MINDY4: variants seen among roughly 807,000 people sequenced by gnomAD.
MINDY4 encodes the protein MINDY lysine 48 deubiquitinase 4.
A neutral mutation model predicts 87.0 loss-of-function variants in MINDY4; 68 were observed. The ratio of observed to expected loss-of-function variants is 0.78; its 90% CI spans 0.64 to 0.96. MINDY4 has a LOEUF of 0.96. Ranked by LOEUF, MINDY4 falls within the 40% of genes least tolerant of loss-of-function variation. The pLI is 0.00. For missense variants in MINDY4, 919 were observed against 928.2 expected (o/e 0.99, Z 0.13); for synonymous variants, 379 against 363.2 (o/e 1.04, Z -0.50).
At chr7:30,866,524 A>G (rs1260831794) in intron 13 of MINDY4, among the ~76,000 whole-genome samples, 4 of 152,140 alleles carry the variant, frequency 2.6e-5, no homozygotes, top group Non-Finnish European at 5.9e-5. Context: ...CTAGCCCTCA[A>G]AGTCCTTGCC....
At chr7:30,817,686 C>T (rs1484257571) in intron 5 of MINDY4, among the ~76,000 whole-genome samples, 2 of 152,124 alleles carry the variant, frequency 1.3e-5, no homozygotes, top group Non-Finnish European at 2.9e-5. Context: ...TCTTATAGCC[C>T]CTCAAAGACA....
At chr7:30,832,300 A>G (rs191268021) in intron 6 of MINDY4, among the ~76,000 whole-genome samples, 4 of 152,336 alleles carry the variant, frequency 2.6e-5, no homozygotes, top group Admixed American at 2.6e-4. Context: ...TTGTGCCTCC[A>G]GGAAACAATC....
At chr7:30,859,355 G>C (rs1255404026) in intron 13 of MINDY4, 31 bp downstream of exon 13, 1 of 1,606,356 alleles carries the variant, frequency 6.2e-7, no homozygotes, top group East Asian at 2.2e-5. Flanking sequence ...ACTCCCTGGG[G>C]CTGGGCTGGT....
chr7:30,790,587 T>C (rs1017484402), intron 4 of MINDY4, among the ~76,000 whole-genome samples: 1 of 151,956 alleles, frequency 6.6e-6, no homozygotes, highest in Non-Finnish European at 1.5e-5. Context: ...GAGATTACAG[T>C]CATGCACCAC....
chr7:30,870,869 A>AG (rs1790081817), intron 13 of MINDY4, among the ~76,000 whole-genome samples: 4 of 152,208 alleles, frequency 2.6e-5, no homozygotes, highest in Non-Finnish European at 4.4e-5. Flanking sequence ...GGTTGAAGGA[A>AG]GGGGGCCAGG....
Position 30,821,825 on chromosome 7 carries a change from C to T in MINDY4, c.1074-6854C>T, listed in dbSNP as rs147914019. Among the ~76,000 whole-genome samples, 462 of 152,264 alleles carry T rather than the reference C, an allele frequency of 3.0e-3. 1 individual carries two copies. Among genetic ancestry groups the T allele is most frequent in the African/African-American group, 0.011 (451 of 41,542 alleles). On this transcript the variant is annotated intron_variant, in intron 5 of 17. Transcript: ENST00000265299. ...AGCTCTTAGTAGTTAATGATGTCTT[C>T]ACTAATCTACTGTTTATGTTTACCA... is the stretch of plus-strand genomic sequence containing the variant.
At position 30,844,836 on chromosome 7, in the gene MINDY4, C is replaced by T. The variant is rs186441335; in HGVS notation, c.1445+3988C>T. On this transcript the variant is annotated intron_variant, in intron 9 of 17. Transcript: ENST00000265299. ...GTGTGGAAACAGAGCATCACTTTCT[C>T]CGTTTGTGAACTAGGAATAGTCATC... Among the ~76,000 whole-genome samples, 205 of 152,280 alleles carry T rather than the reference C, an allele frequency of 1.3e-3. 1 individual carries two copies. Among genetic ancestry groups the T allele is most frequent in the African/African-American group, 4.5e-3 (187 of 41,542 alleles).
Position 30,842,661 on chromosome 7 carries a change from C to T in MINDY4, c.1445+1813C>T, listed in dbSNP as rs563146719. ...GACAGGAACAGGTGGTTACAGGGGACATGCACGGTGCTAAGGGTTCATCTG... is the reference window on the plus strand; with the variant it reads ...GACAGGAACAGGTGGTTACAGGGGATATGCACGGTGCTAAGGGTTCATCTG... On this transcript the variant is annotated intron_variant, in intron 9 of 17. Transcript: ENST00000265299. 7.2e-5 allele frequency among the ~76,000 whole-genome samples: 11 copies of T among 152,286 alleles called. 1 individual carries two copies. The highest frequency in any genetic ancestry group is 3.9e-4 in the Admixed American group (6 of 15,294).
intron 12 of MINDY4, among the ~76,000 whole-genome samples, chr7:30,856,497 A>G (rs1415455978): frequency 6.6e-6 from 1 of 151,744 alleles, no homozygotes; most frequent in Admixed American, 6.6e-5. Context: ...ATGTAATAAT[A>G]GTTCCCCAAA....
intron 5 of MINDY4, among the ~76,000 whole-genome samples, chr7:30,796,435 C>G (rs1277299515): frequency 6.6e-6 from 1 of 152,090 alleles, no homozygotes; most frequent in East Asian, 1.9e-4. Context: ...TGAGTATCTT[C>G]CCAGAATACA....
chr7:30,867,757 T>TG (rs1045026437), intron 13 of MINDY4, among the ~76,000 whole-genome samples: 2 of 152,198 alleles, frequency 1.3e-5, no homozygotes, highest in Non-Finnish European at 2.9e-5. Context: ...GGAGCTGGCC[T>TG]GGTAGGACAG....
At chr7:30,827,933 C>T (rs1317353114) in intron 5 of MINDY4, among the ~76,000 whole-genome samples, 2 of 152,170 alleles carry the variant, frequency 1.3e-5, no homozygotes, top group East Asian at 3.8e-4. Flanking sequence ...AATGGGTTTT[C>T]AGAGAGTGAT....
At chr7:30,835,605 C>T (rs144373832) in intron 6 of MINDY4, among the ~76,000 whole-genome samples, 134 of 152,304 alleles carry the variant, frequency 8.8e-4, no homozygotes, top group African/African-American at 2.9e-3. Context: ...GTGGCTGGGT[C>T]GCCCTGGGGA....
chr7:30,836,274 T>C (rs943952222), intron 6 of MINDY4, among the ~76,000 whole-genome samples: 16 of 152,400 alleles, frequency 1.0e-4, no homozygotes, highest in Admixed American at 3.9e-4. Context: ...TTTCGAGTCA[T>C]GCCCACCTTT....
At chr7:30,794,630 A>G (rs1787427598) in intron 5 of MINDY4, among the ~76,000 whole-genome samples, 1 of 151,960 alleles carries the variant, frequency 6.6e-6, no homozygotes, top group Non-Finnish European at 1.5e-5. Context: ...TGAAGGGACT[A>G]TTTTCTGGTT....
intron 6 of MINDY4, among the ~76,000 whole-genome samples, chr7:30,830,493 A>G (rs1217288802): frequency 1.3e-5 from 2 of 152,198 alleles, no homozygotes; most frequent in African/African-American, 4.8e-5. Context: ...GCCTCAGGAA[A>G]CTTACAATCG....
chr7:30,771,669 G>T (rs1451440703), intron 1 of MINDY4, 113 bp downstream of exon 1: 1 of 997,076 alleles, frequency 1.0e-6, no homozygotes, highest in Non-Finnish European at 1.5e-6. Flanking sequence ...CCTACCTACT[G>T]CCTGCTCCAG....
chr7:30,883,011 C>A lies in MINDY4; in HGVS notation c.2225+18C>A, dbSNP rs997099452. The A allele has an allele frequency of 1.2e-6, 2 of 1,612,836 alleles. No individual in the cohort carries two copies. Among genetic ancestry groups the A allele is most frequent in the African/African-American group, 2.7e-5 (2 of 74,898 alleles). Reference sequence around the variant, plus strand: ...AGAACCAAGTGAGTCAAGCCCCTCTCTGGCTTTGAGCCTCACCCTGAATAG... The same window carrying A: ...AGAACCAAGTGAGTCAAGCCCCTCTATGGCTTTGAGCCTCACCCTGAATAG... On this transcript the variant is annotated intron_variant, in intron 17 of 17. Transcript: ENST00000265299.
chr7:30,789,495 A>T (rs1787256248), intron 4 of MINDY4, among the ~76,000 whole-genome samples: 1 of 152,194 alleles, frequency 6.6e-6, no homozygotes, highest in Non-Finnish European at 1.5e-5. Flanking sequence ...CATCATATTT[A>T]CTACATCACT....
Sources: allele counts gnomAD v4.1 joint callset (sites outside exome capture counted in the v4.1 genomes callset), GRCh38; gene constraint gnomAD v4.1.1; transcripts MANE v1.5; gene names NCBI Gene and HGNC (gene_info 2026-07-23, HGNC 2026-07-21).